Variants in CBX1 observed in about 807,000 individuals in gnomAD.
The protein encoded by CBX1 is chromobox protein homolog 1.
CBX1 carries 10 observed loss-of-function variants against 25.1 expected under a neutral mutation model. The observed-to-expected ratio is 0.40, with a 90% CI of 0.25 to 0.68. CBX1 has a LOEUF of 0.68. Ranked by LOEUF, CBX1 falls within the 30% of genes least tolerant of loss-of-function variation. CBX1 has a pLI of 0.40. For synonymous variants in CBX1, 63 were observed against 79.4 expected, an observed-to-expected ratio of 0.79 and a Z score of 1.10; for missense variants, 106 against 218.5, an observed-to-expected ratio of 0.49 and a Z score of 3.25.
At chr17:48,089,531 T>G in intron 1 of CBX1, among the ~76,000 whole-genome samples, 1 of 5,322 alleles carries the variant, frequency 1.9e-4, no homozygotes, top group Non-Finnish European at 3.7e-4. Context: ...CAGACATAAA[T>G]CAGTTCTCGG....
At chr17:48,093,109 G>C (rs1455480315) in intron 1 of CBX1, among the ~76,000 whole-genome samples, 5 of 122,728 alleles carry the variant, frequency 4.1e-5, no homozygotes, top group Non-Finnish European at 6.8e-5. Context: ...AGAAAAGAAA[G>C]AAACAAATTA....
intron 2 of CBX1, 55 bp from the exon 3 acceptor site, chr17:48,076,233 C>A: frequency 7.5e-7 from 1 of 1,338,358 alleles, no homozygotes; most frequent in Admixed American, 2.3e-5. Context: ...TATACTCATA[C>A]TAAGGATAAT....
rs111922009 is a variant in CBX1, at chr17:48,081,233, C to T, written c.-37-4192G>A. Among the ~76,000 whole-genome samples the T allele has an allele frequency of 3.3e-3, 493 of 151,108 alleles. 7 individuals carry two copies. The highest frequency in any genetic ancestry group is 0.012 in the African/African-American group (482 of 41,208). On this transcript the variant is annotated intron_variant, in intron 1 of 4. Transcript: ENST00000225603. ...TGGCCAAAAAATAAAACAGCACTGA[C>T]TATTATCCACCTGATCCTTCTGCTA...
intron 1 of CBX1, among the ~76,000 whole-genome samples, chr17:48,098,150 C>T (rs555652014): frequency 2.0e-5 from 3 of 152,154 alleles, no homozygotes; most frequent in African/African-American, 7.2e-5. Context: ...ACTCAAGAGG[C>T]TGTGGTGGGA....
chr17:48,101,437 CCGAA>C lies in CBX1; in HGVS notation c.-211_-208del, dbSNP rs913198289. 1 of 985,462 alleles carries C rather than the reference CCGAA, an allele frequency of 1.0e-6. No individual in the cohort carries two copies. Among genetic ancestry groups the C allele is most frequent in the African/African-American group, 1.7e-5 (1 of 57,250 alleles). The allele number at this position is 985,462 out of a possible 1,614,324, so 61.0% of individuals were successfully genotyped here. On this transcript the variant is annotated 5_prime_UTR_variant, in exon 1 of 5. Coordinates refer to ENST00000225603, the MANE Select transcript of CBX1 (RefSeq NM_001127228.2). ...CCCCGGCCAACGGCCCTCCCCTCAG[CCGAA>C]CAAAAGAGCCTCGCAGTCTGCGCTG...
intron 1 of CBX1, among the ~76,000 whole-genome samples, chr17:48,092,313 T>C (rs1450645804): frequency 6.6e-6 from 1 of 151,382 alleles, no homozygotes; most frequent in Non-Finnish European, 1.5e-5. Context: ...TTTAATACTA[T>C]CTATTAAAAA....
chr17:48,091,615 A>C (rs1385310864), intron 1 of CBX1, among the ~76,000 whole-genome samples: 1 of 139,226 alleles, frequency 7.2e-6, no homozygotes, highest in Non-Finnish European at 1.5e-5. Context: ...ATCTTGGCTC[A>C]CCGCAACTTC....
At chr17:48,073,529 T>C (rs2037645416) in intron 4 of CBX1, among the ~76,000 whole-genome samples, 1 of 152,148 alleles carries the variant, frequency 6.6e-6, no homozygotes, top group Non-Finnish European at 1.5e-5. Context: ...TTTTAACCTG[T>C]AGACAGCAGT....
At chr17:48,095,461 C>T (rs997295231) in intron 1 of CBX1, among the ~76,000 whole-genome samples, 3 of 151,930 alleles carry the variant, frequency 2.0e-5, no homozygotes, top group East Asian at 1.9e-4. Flanking sequence ...TGGTGGTACA[C>T]GCCTGTAATC....
At chr17:48,071,635 G>C (rs895821366) in intron 4 of CBX1, 56 bp from the exon 5 acceptor site, 1 of 1,487,300 alleles carries the variant, frequency 6.7e-7, no homozygotes, top group African/African-American at 1.4e-5. Context: ...TCTATCCTAA[G>C]TTGGATAACC....
chr17:48,099,995 C>T (rs1053565787), intron 1 of CBX1, among the ~76,000 whole-genome samples: 3 of 151,832 alleles, frequency 2.0e-5, no homozygotes, highest in South Asian at 4.2e-4. Flanking sequence ...AAAAATTAGC[C>T]GGGCGTGGTG....
intron 1 of CBX1, among the ~76,000 whole-genome samples, chr17:48,090,526 C>A (rs2063338894): frequency 2.0e-5 from 3 of 152,136 alleles, no homozygotes; most frequent in Non-Finnish European, 4.4e-5. Context: ...CCCACTGCTG[C>A]TGCTCTATTC....
intron 1 of CBX1, chr17:48,088,898 ATGC>A (rs2144456710): frequency 6.8e-6 from 1 of 147,582 alleles, no homozygotes; most frequent in South Asian, 2.2e-4. Flanking sequence ...ATAATGAAGA[ATGC>A]TGTTTTGACA....
chr17:48,079,979 G>GT (rs1324770717), intron 1 of CBX1, among the ~76,000 whole-genome samples: 2 of 152,218 alleles, frequency 1.3e-5, no homozygotes, highest in South Asian at 4.1e-4. Flanking sequence ...ACATCTAAGG[G>GT]TTTTTCCAGT....
chr17:48,079,120 C>T (rs572693724), intron 1 of CBX1, among the ~76,000 whole-genome samples: 2 of 138,834 alleles, frequency 1.4e-5, no homozygotes, highest in East Asian at 2.3e-4. Context: ...CGCACCTCCC[C>T]CTCTTTGAGA....
At position 48,100,916 on chromosome 17, in the gene CBX1, G is replaced by A. The variant is rs1214604966; in HGVS notation, c.-38+352C>T. 5 of 985,724 alleles carry A rather than the reference G, an allele frequency of 5.1e-6. No homozygotes were observed. In the African/African-American group the frequency reaches 8.7e-5, roughly 17 times the overall value. The allele number at this position is 985,724 out of a possible 1,614,324, so 61.1% of individuals were successfully genotyped here. The stretch of plus-strand genomic sequence containing the variant: ...TATGCGCCTCCTCACGCCTATCCAA[G>A]CCTCAAGCCTGTCCCCTTCCGCCCT... On this transcript the variant is annotated intron_variant, in intron 1 of 4. Transcript: ENST00000225603.
In CBX1 at chr17:48,077,053, A is replaced by G. The variant is rs377386642; in HGVS notation, c.-37-12T>C. On this transcript the variant is annotated splice_polypyrimidine_tract_variant and intron_variant, in intron 1 of 4. Transcript: ENST00000225603. ...AAAGGGTGACGCTGCTAAAATGATA[A>G]ATGAAATAAAAAGGGCATTAGGGAG... 3.4e-5 allele frequency: 53 copies of G among 1,575,722 alleles called. No individual in the cohort carries two copies. Among genetic ancestry groups the G allele is most frequent in the Middle Eastern group, 1.7e-4 (1 of 5,900 alleles).
chr17:48,099,855 A>C (rs1337877309), intron 1 of CBX1, among the ~76,000 whole-genome samples: 1 of 152,140 alleles, frequency 6.6e-6, no homozygotes, highest in Non-Finnish European at 1.5e-5. Context: ...AAGAGGTAAA[A>C]TATGGCCAGG....
intron 1 of CBX1, among the ~76,000 whole-genome samples, chr17:48,084,023 GCT>G (rs976774585): frequency 6.7e-5 from 10 of 149,728 alleles, no homozygotes; most frequent in African/African-American, 2.5e-4. Context: ...ACAGGGTGTC[GCT>G]CTGTTGCCCA....
Sources: allele counts gnomAD v4.1 joint callset (sites outside exome capture counted in the v4.1 genomes callset), GRCh38; gene constraint gnomAD v4.1.1; transcripts MANE v1.5; gene names NCBI Gene and HGNC (gene_info 2026-07-23, HGNC 2026-07-21).